The following ARMC2 variants were observed in gnomAD, a reference collection of about 807,000 sequenced individuals.
ARMC2 encodes armadillo repeat-containing protein 2.
In ARMC2, 67 loss-of-function variants were observed where a neutral mutation model predicts 90.3. The observed-to-expected ratio is 0.74, with a 90% CI of 0.61 to 0.91. The LOEUF is 0.91. ARMC2 is among the 40% of genes least tolerant of loss of function. ARMC2 has a pLI of 0.00. For missense variants in ARMC2, 920 were observed against 1,030.9 expected (o/e 0.89, Z 1.47); for synonymous variants, 393 against 393.0 (o/e 1.00, Z 0.00).
intron 11 of ARMC2, among the ~76,000 whole-genome samples, chr6:108,935,728 C>T (rs997501850): frequency 1.3e-5 from 2 of 152,076 alleles, no homozygotes; most frequent in African/African-American, 4.8e-5. Flanking sequence ...CAGGCGTGAG[C>T]CACTGTGCCT....
the ARMC2 span, among the ~76,000 whole-genome samples, chr6:109,044,995 C>T: frequency 6.6e-6 from 1 of 152,004 alleles, no homozygotes; most frequent in African/African-American, 2.4e-5. Context: ...TGCACTCCAT[C>T]CTGGGCAACA....
chr6:108,988,853 TA>T, the ARMC2 span, among the ~76,000 whole-genome samples: 2 of 152,140 alleles, frequency 1.3e-5, no homozygotes, highest in Non-Finnish European at 2.9e-5. Flanking sequence ...TAAGTGAGTA[TA>T]AAGGGATAAG....
intron 17 of ARMC2, among the ~76,000 whole-genome samples, chr6:108,966,507 A>T (rs1259370932): frequency 6.6e-6 from 1 of 152,204 alleles, no homozygotes; most frequent in Non-Finnish European, 1.5e-5. Context: ...ACTAAACAGA[A>T]ACTGGAACTC....
chr6:108,880,056 C>T, intron 5 of ARMC2: 1 of 405,416 alleles, frequency 2.5e-6, no homozygotes, highest in Non-Finnish European at 4.9e-6. Context: ...CAAAGGCATT[C>T]TCCAGTAATC....
At chr6:108,926,506 C>G (rs1426385240) in intron 10 of ARMC2, among the ~76,000 whole-genome samples, 1 of 152,220 alleles carries the variant, frequency 6.6e-6, no homozygotes, top group Non-Finnish European at 1.5e-5. Flanking sequence ...GCTTGGATCA[C>G]TTGAGGCCAG....
At chr6:108,940,649 A>G (rs563279164) in intron 12 of ARMC2, among the ~76,000 whole-genome samples, 19 of 152,198 alleles carry the variant, frequency 1.2e-4, no homozygotes, top group Admixed American at 1.2e-3. Context: ...TCTTTTTCCT[A>G]TTGGCACAGC....
intron 4 of ARMC2, among the ~76,000 whole-genome samples, chr6:108,875,200 T>C (rs1776815159): frequency 6.6e-6 from 1 of 152,184 alleles, no homozygotes; most frequent in Non-Finnish European, 1.5e-5. Flanking sequence ...AATGTTATAT[T>C]ATTATATGTC....
intron 3 of ARMC2, among the ~76,000 whole-genome samples, chr6:108,859,165 T>C (rs543286193): frequency 2.2e-3 from 332 of 152,310 alleles, no homozygotes; most frequent in Middle Eastern, 6.8e-3. Flanking sequence ...CCCCAAACTC[T>C]TCCCCAGTGG....
intron 10 of ARMC2, 37 bp downstream of exon 10, chr6:108,912,595 T>C (rs755281111): frequency 6.4e-7 from 1 of 1,553,486 alleles, no homozygotes; most frequent in Non-Finnish European, 8.8e-7. Flanking sequence ...ATGTGTAAAA[T>C]TAGTTTTCAC....
At chr6:108,932,865 G>A (rs1775688854) in intron 11 of ARMC2, among the ~76,000 whole-genome samples, 1 of 152,062 alleles carries the variant, frequency 6.6e-6, no homozygotes, top group African/African-American at 2.4e-5. Flanking sequence ...TGAAGATCAT[G>A]TGGTTGTAGG....
At chr6:108,910,827 T>C (rs1773347011) in intron 8 of ARMC2, 72 bp from the exon 9 acceptor site, 1 of 705,216 alleles carries the variant, frequency 1.4e-6, no homozygotes, top group Non-Finnish European at 2.2e-6. Flanking sequence ...TAAAAATAGA[T>C]GTGGTTTATT....
the ARMC2 span, chr6:109,009,537 C>G: frequency 8.7e-7 from 1 of 1,152,616 alleles, no homozygotes; most frequent in African/African-American, 1.8e-5. Flanking sequence ...GCTGCAGCGC[C>G]TCAGTCAGCA....
At chr6:108,920,192 T>A (rs1774414305) in intron 10 of ARMC2, among the ~76,000 whole-genome samples, 1 of 152,120 alleles carries the variant, frequency 6.6e-6, no homozygotes, top group African/African-American at 2.4e-5. Flanking sequence ...TTGTTTTGTT[T>A]TTGTTTTTGT....
chr6:109,030,651 T>A, the ARMC2 span, among the ~76,000 whole-genome samples: 4 of 152,214 alleles, frequency 2.6e-5, no homozygotes, highest in African/African-American at 9.7e-5. Flanking sequence ...TTCAAGATTC[T>A]AAGGTCTGGA....
chr6:108,957,876 G>A (rs1013884531), intron 13 of ARMC2, among the ~76,000 whole-genome samples: 1 of 152,092 alleles, frequency 6.6e-6, no homozygotes, highest in African/African-American at 2.4e-5. Context: ...TTTTTTGGAA[G>A]CAGTCTATTG....
At chr6:109,028,926 G>T in the ARMC2 span, among the ~76,000 whole-genome samples, 6 of 152,214 alleles carry the variant, frequency 3.9e-5, no homozygotes, top group East Asian at 7.7e-4. Context: ...ACATGAGAGC[G>T]GGTATCTCTG....
At chr6:108,854,634 G>T (rs1774350125) in intron 2 of ARMC2, 149 bp downstream of exon 2, 2 of 727,332 alleles carry the variant, frequency 2.7e-6, no homozygotes, top group Admixed American at 5.6e-5. Context: ...AAGGTACAGA[G>T]ATTTCCCATG....
chr6:108,860,603 A>T (rs9384691), intron 3 of ARMC2, among the ~76,000 whole-genome samples: 4,885 of 148,570 alleles, frequency 0.033, 206 homozygotes, highest in East Asian at 0.2. Context: ...CGGAGCTTGC[A>T]GTGAGCCGAG....
chr6:109,034,778 C>G, the ARMC2 span, among the ~76,000 whole-genome samples: 1 of 152,186 alleles, frequency 6.6e-6, no homozygotes, highest in Non-Finnish European at 1.5e-5. Context: ...ATGGCCAGAG[C>G]TGGAGCTGTC....
Sources: allele counts gnomAD v4.1 joint callset (sites outside exome capture counted in the v4.1 genomes callset), GRCh38; gene constraint gnomAD v4.1.1; transcripts MANE v1.5; gene names NCBI Gene and HGNC (gene_info 2026-07-23, HGNC 2026-07-21).